The following TUSC3 variants were observed in gnomAD, a reference collection of about 807,000 sequenced individuals.
The protein encoded by TUSC3 is tumor suppressor candidate 3.
Under a neutral mutation model 44.8 loss-of-function variants are expected in TUSC3, and 45 were observed. The ratio of observed to expected loss-of-function variants is 1.00; its 90% CI spans 0.79 to 1.29. The LOEUF (loss-of-function observed/expected upper bound fraction) is 1.29. Ranked by LOEUF, TUSC3 falls within the 50% of genes most tolerant of loss-of-function variation. TUSC3 has a pLI of 0.00. For missense variants in TUSC3, 519 were observed against 437.9 expected (o/e 1.19, Z -1.65); for synonymous variants, 212 against 152.9 (o/e 1.39, Z -2.85).
intron 6 of TUSC3, among the ~76,000 whole-genome samples, chr8:15,708,025 C>T (rs946820040): frequency 1.3e-5 from 2 of 151,860 alleles, no homozygotes; most frequent in African/African-American, 4.8e-5. Context: ...GTATCCTTTT[C>T]TGTCTCTTAT....
chr8:15,510,683 C>T (rs1038261945), intron 2 of TUSC3, among the ~76,000 whole-genome samples: 1 of 152,034 alleles, frequency 6.6e-6, no homozygotes, highest in South Asian at 2.1e-4. Flanking sequence ...ACCAATTTTA[C>T]ACAAACTGTT....
intron 6 of TUSC3, among the ~76,000 whole-genome samples, chr8:15,688,648 T>C (rs560957652): frequency 6.6e-6 from 1 of 152,216 alleles, no homozygotes; most frequent in African/African-American, 2.4e-5. Flanking sequence ...AAATAGAAAT[T>C]TATTCTCAGA....
rs567016869 is a variant in TUSC3 at position 15,559,854 on chromosome 8, T to G, written c.138+19286T>G. 2.3e-3 allele frequency among the ~76,000 whole-genome samples: 228 copies of G among 99,872 alleles called. 1 individual carries two copies. The highest frequency in any genetic ancestry group is 8.5e-3 in the African/African-American group (216 of 25,440). The allele number at this position is 99,872 out of a possible 152,430, so 65.5% of individuals were successfully genotyped here. Reference sequence around the variant, plus strand: ...TGCCTTTTTTTGTTTTCCATTTGCTTGGTAGATCTTCCTCCATCCTTTTAT... The same window carrying G: ...TGCCTTTTTTTGTTTTCCATTTGCTGGGTAGATCTTCCTCCATCCTTTTAT... On this transcript the variant is annotated intron_variant, in intron 1 of 10. Coordinates refer to ENST00000503731, the MANE Select transcript of TUSC3 (RefSeq NM_006765.4).
At chr8:15,817,688 G>A in the TUSC3 span, among the ~76,000 whole-genome samples, 1 of 152,080 alleles carries the variant, frequency 6.6e-6, no homozygotes, top group African/African-American at 2.4e-5. Context: ...AGTTGCCCAA[G>A]GCCTCCCAAG....
intron 2 of TUSC3, among the ~76,000 whole-genome samples, chr8:15,516,193 T>C (rs921108102): frequency 3.3e-5 from 5 of 152,194 alleles, no homozygotes; most frequent in Admixed American, 2.0e-4. Context: ...ACTTCACTGA[T>C]CTTAGAATTG....
the TUSC3 span, among the ~76,000 whole-genome samples, chr8:15,849,523 A>G: frequency 1.2e-4 from 18 of 152,314 alleles, no homozygotes; most frequent in African/African-American, 3.4e-4. Flanking sequence ...AAATAAAATA[A>G]AAGACAAAGA....
At chr8:15,680,380 G>A (rs1421059353) in intron 6 of TUSC3, among the ~76,000 whole-genome samples, 1 of 151,876 alleles carries the variant, frequency 6.6e-6, no homozygotes, top group African/African-American at 2.4e-5. Context: ...ATAAGAATGT[G>A]TTCTTGATTT....
chr8:15,571,292 A>C (rs979418259), intron 1 of TUSC3, among the ~76,000 whole-genome samples: 2 of 152,020 alleles, frequency 1.3e-5, no homozygotes, highest in Non-Finnish European at 2.9e-5. Flanking sequence ...TTATACTTTC[A>C]ATTGAATACA....
At chr8:15,628,888 C>T (rs3788996) in intron 2 of TUSC3, among the ~76,000 whole-genome samples, 28,783 of 151,878 alleles carry the variant, frequency 0.19, 2,714 homozygotes, top group South Asian at 0.26. Flanking sequence ...GTAGAAAGTG[C>T]GGGTGAGAGA....
At chr8:15,780,211 A>C in the TUSC3 span, among the ~76,000 whole-genome samples, 1 of 152,178 alleles carries the variant, frequency 6.6e-6, no homozygotes, top group Non-Finnish European at 1.5e-5. Context: ...GAACTGGGCA[A>C]CTAAGAATAT....
intron 2 of TUSC3, among the ~76,000 whole-genome samples, chr8:15,648,725 C>CAAAAAAAAAAAAAAAAAAAAA (rs58526383): frequency 1.1e-4 from 3 of 26,154 alleles, no homozygotes; most frequent in Admixed American, 7.6e-4. Flanking sequence ...GACTCTGTGT[C>CAAAAAAAAAAAAAAAAAAAAA]AAAAAAAAAA....
intron 2 of TUSC3, among the ~76,000 whole-genome samples, chr8:15,496,754 G>C (rs1031595040): frequency 1.3e-5 from 2 of 152,154 alleles, no homozygotes; most frequent in African/African-American, 4.8e-5. Flanking sequence ...GGAGAGCTGG[G>C]TCGTTTTAGC....
At chr8:15,485,951 C>T (rs1247422142) in intron 2 of TUSC3, among the ~76,000 whole-genome samples, 5 of 152,056 alleles carry the variant, frequency 3.3e-5, no homozygotes, top group South Asian at 2.1e-4. Context: ...CCACCAAGCC[C>T]GGCTTATTTT....
At chr8:15,551,623 T>C (rs981205829) in intron 1 of TUSC3, among the ~76,000 whole-genome samples, 1 of 151,794 alleles carries the variant, frequency 6.6e-6, no homozygotes, top group African/African-American at 2.4e-5. Context: ...CTTTTGTTCA[T>C]TGCTGTAGTT....
chr8:15,756,769 C>T (rs1038599882), intron 9 of TUSC3, among the ~76,000 whole-genome samples: 2 of 152,098 alleles, frequency 1.3e-5, no homozygotes, highest in Non-Finnish European at 2.9e-5. Context: ...CAAATGACAC[C>T]CCCTGGAGTT....
chr8:15,535,410 T>G (rs1172799169), upstream of TUSC3, among the ~76,000 whole-genome samples: 1 of 152,160 alleles, frequency 6.6e-6, no homozygotes, highest in African/African-American at 2.4e-5. Flanking sequence ...ATAAACAGAA[T>G]GGGTGGATTC....
At chr8:15,534,655 A>C (rs1933548105) in intron 2 of TUSC3, among the ~76,000 whole-genome samples, 1 of 151,782 alleles carries the variant, frequency 6.6e-6, no homozygotes, top group South Asian at 2.1e-4. Flanking sequence ...AAAAAAAAAA[A>C]AAAAAAACTT....
chr8:15,743,342 C>A, intron 7 of TUSC3, 196 bp from the exon 8 acceptor site: 1 of 593,374 alleles, frequency 1.7e-6, no homozygotes. Flanking sequence ...ATTGAAGTTT[C>A]AGGTTATAAA....
intron 2 of TUSC3, among the ~76,000 whole-genome samples, chr8:15,489,481 A>G (rs960183721): frequency 6.6e-6 from 1 of 152,160 alleles, no homozygotes; most frequent in Non-Finnish European, 1.5e-5. Context: ...GATCAGAAAA[A>G]CACCTGGAAA....
Sources: allele counts gnomAD v4.1 joint callset (sites outside exome capture counted in the v4.1 genomes callset), GRCh38; gene constraint gnomAD v4.1.1; transcripts MANE v1.5; gene names NCBI Gene and HGNC (gene_info 2026-07-23, HGNC 2026-07-21).